Variants in MAML3 observed in about 807,000 individuals in gnomAD.
MAML3 encodes the protein mastermind like transcriptional coactivator 3, also known as mastermind-like protein 3.
In MAML3, 27 loss-of-function variants were observed where a neutral mutation model predicts 101.9. The observed-to-expected ratio is 0.27, with a 90% CI of 0.20 to 0.37. The LOEUF (loss-of-function observed/expected upper bound fraction) is 0.37. MAML3 is among the 10% of genes least tolerant of loss of function. The pLI is 1.00. For synonymous variants in MAML3, 501 were observed against 555.9 expected (o/e 0.90, Z 1.39); for missense variants, 1,316 against 1,444.9 (o/e 0.91, Z 1.45).
intron 2 of MAML3, among the ~76,000 whole-genome samples, chr4:139,873,220 T>C (rs1214999664): frequency 1.3e-5 from 2 of 152,244 alleles, no homozygotes; most frequent in Non-Finnish European, 2.9e-5. Context: ...TGATATCAGG[T>C]CCAGGACTGC....
At chr4:140,096,930 G>T (rs1728174967) in intron 1 of MAML3, among the ~76,000 whole-genome samples, 1 of 151,750 alleles carries the variant, frequency 6.6e-6, no homozygotes, top group Non-Finnish European at 1.5e-5. Context: ...ATTTACTGAA[G>T]TAGATTGCAT....
At chr4:139,882,694 C>G (rs998777429) in intron 2 of MAML3, among the ~76,000 whole-genome samples, 1 of 152,022 alleles carries the variant, frequency 6.6e-6, no homozygotes, top group African/African-American at 2.4e-5. Flanking sequence ...ACTAAAAATA[C>G]AAAAATTAGC....
intron 1 of MAML3, among the ~76,000 whole-genome samples, chr4:140,079,363 G>A (rs146348484): frequency 4.6e-5 from 7 of 152,122 alleles, no homozygotes; most frequent in African/African-American, 1.7e-4. Context: ...GCACAATCTC[G>A]GCTCACTGCA....
At chr4:140,011,923 A>G (rs1317210718) in intron 1 of MAML3, among the ~76,000 whole-genome samples, 1 of 152,186 alleles carries the variant, frequency 6.6e-6, no homozygotes, top group Non-Finnish European at 1.5e-5. Flanking sequence ...ATTACAATGG[A>G]AATTTCTTCC....
chr4:139,877,322 A>G (rs1732135066), intron 2 of MAML3, among the ~76,000 whole-genome samples: 2 of 152,170 alleles, frequency 1.3e-5, no homozygotes, highest in Admixed American at 6.5e-5. Context: ...ATCTTTGTAT[A>G]GGAAAGCAGC....
At position 140,119,601 on chromosome 4, in the gene MAML3, C is replaced by CCCTCCCTCCCTT. The variant is rs1407189403; in HGVS notation, c.468+33247_468+33258dup. Among the ~76,000 whole-genome samples the CCCTCCCTCCCTT allele has an allele frequency of 4.7e-3, 264 of 55,814 alleles. 4 individuals carry two copies. Among genetic ancestry groups the CCCTCCCTCCCTT allele is most frequent in the African/African-American group, 0.025 (232 of 9,286 alleles). 36.6% of individuals were successfully genotyped at this position (55,814 alleles called of 152,430 possible). A position where few individuals can be genotyped will look rare whatever the true frequency, so the allele number is the denominator to read the frequency against. ...GATACACAATTTTTTCCCCCTCCCT[C>CCCTCCCTCCCTT]CCTCCCTCCCTTCCTTCCTCCCTTC... On this transcript the variant is annotated intron_variant, in intron 1 of 4. Transcript: ENST00000509479.
intron 2 of MAML3, among the ~76,000 whole-genome samples, chr4:139,774,854 A>C (rs1475783029): frequency 6.6e-6 from 1 of 152,206 alleles, no homozygotes; most frequent in Non-Finnish European, 1.5e-5. Flanking sequence ...GTGGAAGTTA[A>C]GCTGTTTGTA....
intron 2 of MAML3, among the ~76,000 whole-genome samples, chr4:139,797,430 G>A (rs538114705): frequency 1.3e-5 from 2 of 152,240 alleles, no homozygotes; most frequent in Admixed American, 6.5e-5. Context: ...AATGGGCTGA[G>A]TTTTTTTCAA....
At chr4:140,039,077 C>T (rs770054124) in intron 1 of MAML3, among the ~76,000 whole-genome samples, 3 of 151,884 alleles carry the variant, frequency 2.0e-5, no homozygotes, top group Non-Finnish European at 2.9e-5. Context: ...CGAGATCGAT[C>T]GTGCCACTGC....
chr4:140,151,888 CCT>C (rs1035904570), intron 1 of MAML3, among the ~76,000 whole-genome samples: 6 of 152,228 alleles, frequency 3.9e-5, no homozygotes, highest in Non-Finnish European at 8.8e-5. Flanking sequence ...GCCATTTAAG[CCT>C]CTTTTACCTC....
chr4:139,939,121 G>A (rs1341108267), intron 1 of MAML3, among the ~76,000 whole-genome samples: 1 of 152,162 alleles, frequency 6.6e-6, no homozygotes, highest in Non-Finnish European at 1.5e-5. Flanking sequence ...CACTGACTCT[G>A]CAGTTCTTCA....
Position 139,889,698 on chromosome 4 carries a change from G to C in MAML3, c.1738C>G (p.Gln580Glu). The change falls in exon 2 of 5, where the codon CAG (glutamine) becomes GAG (glutamate). Residue 580 changes from glutamine to glutamate, a missense_variant. Gln to Glu is a conservative substitution (Grantham distance 29, BLOSUM62 2). Coordinates refer to ENST00000509479, the MANE Select transcript of MAML3 (RefSeq NM_018717.5). ...TTTGTACCCAAGTTATTTGGCTGCT[G>C]ATTGATCATATTCATGTGATTCTGA... is the stretch of plus-strand genomic sequence containing the variant. ...LPQNHMNMIN[Q>E]QPNNLGTNSL... The C allele has an allele frequency of 2.5e-6, 4 of 1,614,038 alleles. No individual in the cohort carries two copies. Among genetic ancestry groups the C allele is most frequent in the Non-Finnish European group, 3.4e-6 (4 of 1,179,908 alleles).
intron 1 of MAML3, among the ~76,000 whole-genome samples, chr4:140,124,593 G>GA (rs1343381707): frequency 6.6e-6 from 1 of 152,156 alleles, no homozygotes; most frequent in Non-Finnish European, 1.5e-5. Context: ...AAGAATAGAA[G>GA]AAATCAAAAG....
At chr4:140,112,954 G>C (rs190622060) in intron 1 of MAML3, among the ~76,000 whole-genome samples, 1 of 152,148 alleles carries the variant, frequency 6.6e-6, no homozygotes, top group African/African-American at 2.4e-5. Context: ...GAGTTTTGTA[G>C]GGCCTGAAGT....
intron 1 of MAML3, among the ~76,000 whole-genome samples, chr4:140,024,451 A>T (rs1381202965): frequency 6.6e-6 from 1 of 152,040 alleles, no homozygotes; most frequent in East Asian, 1.9e-4. Flanking sequence ...CTGGTCTCAA[A>T]CACCTGGCTT....
intron 1 of MAML3, among the ~76,000 whole-genome samples, chr4:139,907,147 G>A (rs1365852849): frequency 2.0e-5 from 3 of 152,230 alleles, no homozygotes; most frequent in Non-Finnish European, 4.4e-5. Context: ...AACAGAAAAT[G>A]TCAGGAACTT....
chr4:140,073,560 A>T (rs1727701394), intron 1 of MAML3, among the ~76,000 whole-genome samples: 1 of 152,116 alleles, frequency 6.6e-6, no homozygotes, highest in South Asian at 2.1e-4. Context: ...CCTGGCTGTG[A>T]GGTATTGTGC....
At chr4:140,072,607 T>C (rs1311530281) in intron 1 of MAML3, among the ~76,000 whole-genome samples, 1 of 151,340 alleles carries the variant, frequency 6.6e-6, no homozygotes, top group East Asian at 1.9e-4. Flanking sequence ...GAGGCAGAGA[T>C]TGTGGTGAGC....
intron 1 of MAML3, among the ~76,000 whole-genome samples, chr4:139,951,316 G>A (rs1733828077): frequency 1.3e-5 from 2 of 152,240 alleles, no homozygotes; most frequent in African/African-American, 4.8e-5. Flanking sequence ...TGAATGTGCT[G>A]ACATGGAGAA....
Sources: allele counts gnomAD v4.1 joint callset (sites outside exome capture counted in the v4.1 genomes callset), GRCh38; gene constraint gnomAD v4.1.1; transcripts MANE v1.5; gene names NCBI Gene and HGNC (gene_info 2026-07-23, HGNC 2026-07-21).